The following TMC7 variants were observed in gnomAD, a reference collection of about 807,000 sequenced individuals.
TMC7 encodes transmembrane channel like 7, also known as transmembrane channel-like protein 7.
In TMC7, 54 loss-of-function variants were observed where a neutral mutation model predicts 82.9. That is an observed-to-expected ratio of 0.65 (90% CI 0.52 to 0.82). The LOEUF (loss-of-function observed/expected upper bound fraction) is 0.82. Ranked by LOEUF, TMC7 falls within the 40% of genes least tolerant of loss-of-function variation. The pLI is 0.00. For synonymous variants in TMC7, 350 were observed against 337.9 expected, an observed-to-expected ratio of 1.04 and a Z score of -0.39; for missense variants, 820 against 901.2, an observed-to-expected ratio of 0.91 and a Z score of 1.15.
rs554812798 is a variant in TMC7 at position 19,048,169 on chromosome 16, T to C, written c.1740+920T>C. Among the ~76,000 whole-genome samples, 20 of 150,968 alleles carry C rather than the reference T, an allele frequency of 1.3e-4. No individual in the cohort carries two copies. In the South Asian group the frequency reaches 4.2e-3, roughly 32 times the overall value. On this transcript the variant is annotated intron_variant, in intron 12 of 15. Transcript: ENST00000304381. ...TTTTTTTTTAAATTAGAGATGGAGG[T>C]CTTGCCATGTTGTCCAGGCTGGTCT...
At chr16:19,042,382 C>G (rs918276355) in intron 9 of TMC7, among the ~76,000 whole-genome samples, 10 of 152,006 alleles carry the variant, frequency 6.6e-5, no homozygotes, top group African/African-American at 2.4e-4. Context: ...CTCACGTTGC[C>G]CAGGCTGTTC....
intron 14 of TMC7, 51 bp from the exon 15 acceptor site, chr16:19,059,364 TG>T (rs1308397997): frequency 2.0e-5 from 32 of 1,587,296 alleles, no homozygotes; most frequent in Non-Finnish European, 2.7e-5. Flanking sequence ...ATTTTTCTAT[TG>T]GCCTTCAGAT....
intron 15 of TMC7, chr16:19,060,041 C>T (rs1596804959): frequency 5.3e-6 from 1 of 189,500 alleles, no homozygotes; most frequent in East Asian, 1.3e-4. Context: ...ATGCTGGGTG[C>T]TGGGACGCTT....
rs552098674 is a variant in TMC7 at position 19,044,760 on chromosome 16, C to T, written c.1338-124C>T. ...TCCAGCCTGGGCAACAGAGCAAACA[C>T]TCCATCTCAAAAAAAAAAAAAAAAA... On this transcript the variant is annotated intron_variant, in intron 9 of 15. Transcript: ENST00000304381. 3.8e-5 allele frequency: 20 copies of T among 531,208 alleles called. No homozygotes were observed. In the South Asian group the frequency reaches 4.3e-4, roughly 11 times the overall value. 32.9% of individuals were successfully genotyped at this position (531,208 alleles called of 1,614,324 possible).
At chr16:19,012,129 C>CAAA (rs60078349) in intron 2 of TMC7, 1 of 136,044 alleles carries the variant, frequency 7.4e-6, no homozygotes, top group African/African-American at 2.8e-5. Flanking sequence ...GATGTTGTCT[C>CAAA]AAAAAAAAAA....
At chr16:19,003,412 G>T (rs1195011232) in intron 1 of TMC7, among the ~76,000 whole-genome samples, 1 of 148,220 alleles carries the variant, frequency 6.7e-6, no homozygotes, top group African/African-American at 2.6e-5. Flanking sequence ...AGGTGGGGGG[G>T]GTCAGCCCCC....
intron 8 of TMC7, among the ~76,000 whole-genome samples, chr16:19,039,975 G>C (rs558936507): frequency 6.6e-6 from 1 of 151,976 alleles, no homozygotes; most frequent in East Asian, 1.9e-4. Context: ...AATTAGCCTG[G>C]CATGGTGGGG....
intron 6 of TMC7, among the ~76,000 whole-genome samples, chr16:19,032,875 C>T (rs1171616709): frequency 6.6e-6 from 1 of 152,206 alleles, no homozygotes. Flanking sequence ...GATCCACCCA[C>T]CTCGGCCTCC....
intron 1 of TMC7, among the ~76,000 whole-genome samples, chr16:19,002,756 C>T (rs1367766625): frequency 6.6e-6 from 1 of 152,204 alleles, no homozygotes; most frequent in Non-Finnish European, 1.5e-5. Context: ...TTCTTAGAGG[C>T]ACCCCAATAT....
chr16:19,030,690 T>A (rs1308783544), intron 6 of TMC7, among the ~76,000 whole-genome samples: 1 of 151,848 alleles, frequency 6.6e-6, no homozygotes, highest in Non-Finnish European at 1.5e-5. Flanking sequence ...GTGATTCTTG[T>A]GCCTCAGCCT....
chr16:19,031,059 G>A (rs1341675061), intron 6 of TMC7, among the ~76,000 whole-genome samples: 2 of 152,152 alleles, frequency 1.3e-5, no homozygotes, highest in Admixed American at 6.5e-5. Context: ...CAAATTACAG[G>A]AAGGACAAAG....
chr16:19,045,403 C>T lies in TMC7; in HGVS notation c.1518C>T (p.Ile506=), dbSNP rs748112631. The change falls in exon 11 of 16, where the codon ATC becomes ATT. Residue 506 remains isoleucine, a synonymous_variant. Coordinates refer to ENST00000304381, the MANE Select transcript of TMC7 (RefSeq NM_024847.4). ...YKLMIFDFII[I]LAVTLFVDFP... ...TGATGATCTTCGACTTCATCATCAT[C>T]TTGGCTGTGACACTCTTCGTGGATT... The T allele has an allele frequency of 6.2e-7, 1 of 1,613,974 alleles. No individual in the cohort carries two copies. Among genetic ancestry groups the T allele is most frequent in the South Asian group, 1.1e-5 (1 of 91,064 alleles).
intron 11 of TMC7, among the ~76,000 whole-genome samples, chr16:19,046,459 T>C (rs527929459): frequency 1.3e-5 from 2 of 152,322 alleles, no homozygotes; most frequent in South Asian, 4.1e-4. Flanking sequence ...ATTTCTGTTA[T>C]CATTCTCTGT....
chr16:18,999,073 C>G (rs12933490), intron 1 of TMC7, among the ~76,000 whole-genome samples: 47,314 of 152,070 alleles, frequency 0.31, 7,618 homozygotes, highest in Non-Finnish European at 0.36. Flanking sequence ...GTGTCTCTCT[C>G]TGTCACCTAG....
chr16:18,990,450 A>G (rs1436843019), intron 1 of TMC7, among the ~76,000 whole-genome samples: 3 of 152,140 alleles, frequency 2.0e-5, no homozygotes, highest in Admixed American at 6.5e-5. Flanking sequence ...GCCCGCCACC[A>G]TGCCCGGCTA....
At chr16:19,011,939 C>T (rs889098935) in intron 2 of TMC7, among the ~76,000 whole-genome samples, 16 of 152,030 alleles carry the variant, frequency 1.1e-4, no homozygotes, top group South Asian at 2.1e-4. Context: ...CTCAGGAGTT[C>T]GCGACCAGCC....
In TMC7 at chr16:19,037,433, AGGAT is replaced by A. The variant is rs1960804994; in HGVS notation, c.1006-438_1006-435del. ...GAAAAAAAGTAGTTGGGCTAAGTCT[AGGAT>A]GGTTTCTTGGGGGAGATGAATATTT... On this transcript the variant is annotated intron_variant, in intron 7 of 15. Coordinates refer to ENST00000304381, the MANE Select transcript of TMC7 (RefSeq NM_024847.4). 2.0e-5 allele frequency among the ~76,000 whole-genome samples: 3 copies of A among 148,468 alleles called. No homozygotes were observed. The South Asian group carries it at 6.3e-4, about 31-fold the overall frequency.
At chr16:18,985,069 G>A (rs2038821255) in intron 1 of TMC7, among the ~76,000 whole-genome samples, 1 of 152,144 alleles carries the variant, frequency 6.6e-6, no homozygotes, top group Non-Finnish European at 1.5e-5. Context: ...AGACCAGCCT[G>A]GCCAAGATGG....
At chr16:19,043,267 C>G (rs1356486615) in intron 9 of TMC7, among the ~76,000 whole-genome samples, 5 of 152,084 alleles carry the variant, frequency 3.3e-5, no homozygotes, top group Non-Finnish European at 7.4e-5. Flanking sequence ...TTTCAGCATG[C>G]CAGACATCCC....
Sources: gnomAD v4.1 joint callset for allele counts (sites outside exome capture counted in the v4.1 genomes callset) on GRCh38, gnomAD v4.1.1 for gene constraint, MANE v1.5 for transcripts, NCBI Gene and HGNC (gene_info 2026-07-23, HGNC 2026-07-21) for gene names.